TANC2: variants seen among roughly 807,000 people sequenced by gnomAD.
TANC2 encodes the protein protein TANC2.
TANC2 carries 26 observed loss-of-function variants against 210.5 expected under a neutral mutation model. The observed-to-expected ratio is 0.12, with a 90% confidence interval of 0.09 to 0.17. The LOEUF (loss-of-function observed/expected upper bound fraction) is 0.17, where lower values mean the gene tolerates loss of function less well. TANC2 is among the 10% of genes least tolerant of loss of function. TANC2 has a pLI of 1.00. For missense variants in TANC2, 2,129 were observed against 2,608.9 expected (o/e 0.82, Z 4.01); for synonymous variants, 931 against 967.1 (o/e 0.96, Z 0.69).
At chr17:62,985,857 C>G (rs2032540332) in intron 1 of TANC2, among the ~76,000 whole-genome samples, 1 of 152,042 alleles carries the variant, frequency 6.6e-6, no homozygotes, top group African/African-American at 2.4e-5. Flanking sequence ...TTGTATATTT[C>G]CTTATGATTG....
chr17:63,229,603 T>C (rs1222677706), intron 7 of TANC2, among the ~76,000 whole-genome samples: 1 of 151,828 alleles, frequency 6.6e-6, no homozygotes, highest in Non-Finnish European at 1.5e-5. Context: ...TATAGGCTAT[T>C]TATTACTGCC....
intron 15 of TANC2, chr17:63,381,565 GAC>G (rs1369300015): frequency 1.3e-5 from 2 of 152,190 alleles, no homozygotes; most frequent in Non-Finnish European, 2.9e-5. Flanking sequence ...ATTCAGCAGT[GAC>G]ACACAATCCA....
chr17:63,099,410 C>T, intron 4 of TANC2, 53 bp downstream of exon 4: 1 of 1,295,582 alleles, frequency 7.7e-7, no homozygotes. Flanking sequence ...AACGATATGA[C>T]ACTTTAGGTC....
At chr17:63,244,241 C>G (rs1394404628) in intron 8 of TANC2, among the ~76,000 whole-genome samples, 1 of 152,146 alleles carries the variant, frequency 6.6e-6, no homozygotes, top group Non-Finnish European at 1.5e-5. Flanking sequence ...AAAACTGTTG[C>G]CATGATGCTT....
chr17:63,156,275 G>T (rs933531111), intron 5 of TANC2, among the ~76,000 whole-genome samples: 8 of 152,014 alleles, frequency 5.3e-5, no homozygotes, highest in African/African-American at 1.9e-4. Context: ...AGCTTTGGGG[G>T]GAGTCTTAGC....
At position 63,418,259 on chromosome 17, in the gene TANC2, T is replaced by A; in HGVS notation, c.4168-48T>A. ...TTTGTTTTATTCCCAAGTTGTCTATTTTTTATATCTCATCAATGACTCATT... is the reference window on the plus strand; with the variant it reads ...TTTGTTTTATTCCCAAGTTGTCTATATTTTATATCTCATCAATGACTCATT... On this transcript the variant is annotated intron_variant, in intron 26 of 27. Transcript: ENST00000689528. This position sits in a 1 kb window ranked among gnomAD's most constrained non-coding sequence, Gnocchi z 4.6. 1 of 1,542,984 alleles carries A rather than the reference T, an allele frequency of 6.5e-7. No homozygotes were observed. Among genetic ancestry groups the A allele is most frequent in the South Asian group, 1.2e-5 (1 of 84,098 alleles).
Position 63,412,279 on chromosome 17 carries a change from G to A in TANC2, c.3898+149G>A, listed in dbSNP as rs960972092. On this transcript the variant is annotated intron_variant, in intron 23 of 27. Coordinates refer to ENST00000689528, the Ensembl canonical transcript of TANC2. This position sits in a 1 kb window ranked among gnomAD's most constrained non-coding sequence, Gnocchi z 4.2. ...GTCCAAGTGAACAGAGAGGCTCTTG[G>A]CCCAGGGAAAGCGCCATCTGAGCCA... The A allele has an allele frequency of 7.4e-6, 9 of 1,222,166 alleles. No homozygotes were observed. In the South Asian group the frequency reaches 1.2e-4, roughly 16 times the overall value. The allele number at this position is 1,222,166 out of a possible 1,614,324, so 75.7% of individuals were successfully genotyped here. A position where few individuals can be genotyped will look rare whatever the true frequency, so the allele number is the denominator to read the frequency against.
chr17:63,161,281 G>C (rs2040016430), intron 5 of TANC2, among the ~76,000 whole-genome samples: 1 of 152,106 alleles, frequency 6.6e-6, no homozygotes, highest in South Asian at 2.1e-4. Flanking sequence ...AGGATCGCTT[G>C]AACCCAGGAG....
At chr17:63,303,420 G>T (rs2044788116) in intron 9 of TANC2, among the ~76,000 whole-genome samples, 1 of 152,116 alleles carries the variant, frequency 6.6e-6, no homozygotes. Context: ...TTGAATATTG[G>T]CCCCCACTGT....
At chr17:63,071,899 T>C (rs371370246) in intron 2 of TANC2, among the ~76,000 whole-genome samples, 15 of 152,248 alleles carry the variant, frequency 9.9e-5, no homozygotes, top group African/African-American at 3.6e-4. Context: ...ATCAGAGAGA[T>C]GTATTGAGTC....
intron 2 of TANC2, among the ~76,000 whole-genome samples, chr17:63,020,452 C>T (rs764186385): frequency 1.9e-4 from 29 of 152,062 alleles, no homozygotes; most frequent in Admixed American, 5.9e-4. Flanking sequence ...TGCAGGCACA[C>T]GCCACCATGT....
chr17:63,309,044 C>T (rs2045025976), intron 9 of TANC2, among the ~76,000 whole-genome samples: 1 of 151,900 alleles, frequency 6.6e-6, no homozygotes, highest in African/African-American at 2.4e-5. Context: ...TTCATAAATA[C>T]TTCCACATTT....
chr17:63,419,459 T>A (rs959737104), intron 27 of TANC2, among the ~76,000 whole-genome samples: 26 of 152,276 alleles, frequency 1.7e-4, no homozygotes, highest in Admixed American at 9.1e-4. Context: ...CCTGCCCCAC[T>A]TTGATAGAGC....
At chr17:63,396,802 C>G (rs1171105692) in intron 18 of TANC2, 3 of 151,896 alleles carry the variant, frequency 2.0e-5, no homozygotes, top group Non-Finnish European at 4.4e-5. Context: ...CAACAGTAGA[C>G]ACTGGGGACT....
intron 2 of TANC2, among the ~76,000 whole-genome samples, chr17:63,067,907 A>G (rs1031405611): frequency 2.6e-5 from 4 of 152,232 alleles, no homozygotes; most frequent in Non-Finnish European, 4.4e-5. Flanking sequence ...TGAAGAACTT[A>G]TAGCTGGGAA....
chr17:63,164,141 T>C (rs1260930464), intron 5 of TANC2, among the ~76,000 whole-genome samples: 2 of 150,908 alleles, frequency 1.3e-5, no homozygotes, highest in African/African-American at 4.9e-5. Flanking sequence ...TTTTTTTTTT[T>C]TTTTTTTGTA....
At chr17:63,003,015 CAGT>C (rs2033457407) in intron 1 of TANC2, among the ~76,000 whole-genome samples, 1 of 152,090 alleles carries the variant, frequency 6.6e-6, no homozygotes, top group Non-Finnish European at 1.5e-5. Flanking sequence ...ATTAGGTGTA[CAGT>C]AAGTTTCATA....
chr17:63,231,471 C>A (rs1322148121), intron 7 of TANC2, among the ~76,000 whole-genome samples: 1 of 152,184 alleles, frequency 6.6e-6, no homozygotes, highest in Non-Finnish European at 1.5e-5. Context: ...CAAATTCCTG[C>A]AGCATTTGCT....
intron 4 of TANC2, chr17:63,148,446 C>G (rs943100571): frequency 4.6e-5 from 7 of 152,262 alleles, no homozygotes; most frequent in Non-Finnish European, 1.0e-4. Context: ...TAATTTCTTA[C>G]TATTAATATA....
Sources: allele counts gnomAD v4.1 joint callset (sites outside exome capture counted in the v4.1 genomes callset), GRCh38; gene constraint gnomAD v4.1.1; non-coding constraint Gnocchi (gnomAD v3.1); transcripts MANE v1.5; gene names NCBI Gene and HGNC (gene_info 2026-07-23, HGNC 2026-07-21).